Variants in MAN1C1 observed in about 807,000 individuals in gnomAD.
MAN1C1 encodes mannosidase alpha class 1C member 1, also known as mannosyl-oligosaccharide 1,2-alpha-mannosidase IC.
A neutral mutation model predicts 71.5 loss-of-function variants in MAN1C1; 49 were observed. The ratio of observed to expected loss-of-function variants is 0.69; its 90% CI spans 0.54 to 0.87. The LOEUF (loss-of-function observed/expected upper bound fraction) is 0.87, where lower values mean the gene tolerates loss of function less well. Among genes scored for constraint, MAN1C1 ranks in the 40% least tolerant of loss-of-function variants. The pLI is 0.00. For missense variants in MAN1C1, 743 were observed against 835.0 expected, an observed-to-expected ratio of 0.89 and a Z score of 1.36; for synonymous variants, 352 against 343.7, an observed-to-expected ratio of 1.02 and a Z score of -0.27.
chr1:25,690,887 A>G (rs2046299211), intron 2 of MAN1C1, among the ~76,000 whole-genome samples: 1 of 152,234 alleles, frequency 6.6e-6, no homozygotes, highest in Non-Finnish European at 1.5e-5. Context: ...AATGCATGGC[A>G]GAGTCAGGGG....
rs374595248 is a variant in MAN1C1 at position 25,749,272 on chromosome 1, G to A, written c.771G>A (p.Leu257=). The A allele has an allele frequency of 2.5e-6, 4 of 1,612,416 alleles. No homozygotes were observed. In the African/African-American group the frequency reaches 5.3e-5, roughly 22 times the overall value. Residue 257 remains leucine, a synonymous_variant, in exon 4 of 12, where the codon TTG becomes TTA. Coordinates refer to ENST00000374332, the MANE Select transcript of MAN1C1 (RefSeq NM_020379.4). The part of the protein sequence containing the change: ...FHLNVSGEAS[L]FEVNIRYIGG... ...TCCTGCAGAGCGGAGAAGCATCCTTGTTTGAGGTGAACATCCGCTACATCG... is the reference window on the plus strand; with the variant it reads ...TCCTGCAGAGCGGAGAAGCATCCTTATTTGAGGTGAACATCCGCTACATCG...
intron 8 of MAN1C1, among the ~76,000 whole-genome samples, chr1:25,777,211 G>A (rs1203962052): frequency 6.6e-6 from 1 of 152,178 alleles, no homozygotes; most frequent in Non-Finnish European, 1.5e-5. Context: ...AGAGTAGATT[G>A]GAGGGGTGAA....
intron 2 of MAN1C1, among the ~76,000 whole-genome samples, chr1:25,728,697 G>A (rs1289655115): frequency 1.3e-5 from 2 of 152,144 alleles, no homozygotes; most frequent in Non-Finnish European, 2.9e-5. Context: ...GCCTCAAAGT[G>A]GTGTATGGAG....
rs1010511729 is a variant in MAN1C1, at chr1:25,749,243, T to G, written c.754-12T>G. The G allele has an allele frequency of 3.7e-6, 6 of 1,609,050 alleles. No individual in the cohort carries two copies. The highest frequency in any genetic ancestry group is 5.1e-6 in the Non-Finnish European group (6 of 1,177,218). On this transcript the variant is annotated splice_polypyrimidine_tract_variant and intron_variant, in intron 3 of 11. Transcript: ENST00000374332. ...TGTCCCCACTGTCCCCCTCCTTCTT[T>G]CTGTCCTGCAGAGCGGAGAAGCATC...
At chr1:25,625,922 C>T (rs528186979) in intron 1 of MAN1C1, among the ~76,000 whole-genome samples, 14 of 152,308 alleles carry the variant, frequency 9.2e-5, no homozygotes, top group African/African-American at 1.9e-4. Flanking sequence ...CCATATTGTG[C>T]GTATCAGTAC....
intron 1 of MAN1C1, among the ~76,000 whole-genome samples, chr1:25,674,473 A>T (rs2046036857): frequency 6.6e-6 from 1 of 152,232 alleles, no homozygotes. Flanking sequence ...GGAAATAGAT[A>T]CTAATTAATC....
At chr1:25,690,364 C>A (rs549472011) in intron 2 of MAN1C1, among the ~76,000 whole-genome samples, 67 of 148,546 alleles carry the variant, frequency 4.5e-4, no homozygotes, top group African/African-American at 1.5e-3. Context: ...GCGATCTCAG[C>A]TCACTTCAGC....
chr1:25,772,953 A>C (rs930276060), intron 8 of MAN1C1, among the ~76,000 whole-genome samples: 7 of 151,934 alleles, frequency 4.6e-5, no homozygotes, highest in Non-Finnish European at 8.8e-5. Context: ...GGTCCCTTTC[A>C]CTAGTCAACT....
Position 25,631,760 on chromosome 1 carries a change from G to C in MAN1C1, c.540+13423G>C, listed in dbSNP as rs1313775284. On this transcript the variant is annotated intron_variant, in intron 1 of 11. Transcript: ENST00000374332. This position sits in a 1 kb window ranked among gnomAD's most constrained non-coding sequence, Gnocchi z 4.2. ...TTGTTATGAAAGTGATACTGGCTTC[G>C]TAGAATGATTTAGGGAGGATTTCCT... Among the ~76,000 whole-genome samples, 1 of 152,034 alleles carries C rather than the reference G, an allele frequency of 6.6e-6. No individual in the cohort carries two copies. Among genetic ancestry groups the C allele is most frequent in the African/African-American group, 2.4e-5 (1 of 41,392 alleles).
At chr1:25,716,497 T>C (rs2046683019) in intron 2 of MAN1C1, among the ~76,000 whole-genome samples, 3 of 152,206 alleles carry the variant, frequency 2.0e-5, no homozygotes, top group Admixed American at 2.0e-4. Context: ...CTAATTGTTT[T>C]TGTGTTTTTA....
At chr1:25,755,383 C>A (rs937287814) in intron 5 of MAN1C1, among the ~76,000 whole-genome samples, 1 of 152,176 alleles carries the variant, frequency 6.6e-6, no homozygotes, top group Non-Finnish European at 1.5e-5. Flanking sequence ...CTCCTGCCAC[C>A]CTTATAGATC....
chr1:25,732,537 G>T (rs2046922830), intron 2 of MAN1C1, among the ~76,000 whole-genome samples: 1 of 152,210 alleles, frequency 6.6e-6, no homozygotes, highest in Non-Finnish European at 1.5e-5. Flanking sequence ...CAGCAACATG[G>T]TGTCGGCCTT....
intron 1 of MAN1C1, among the ~76,000 whole-genome samples, chr1:25,685,857 AAGG>A (rs1281805881): frequency 8.5e-5 from 13 of 152,160 alleles, no homozygotes; most frequent in African/African-American, 2.7e-4. Context: ...GGGCAGGTCA[AAGG>A]AGTTCAAAGA....
intron 1 of MAN1C1, among the ~76,000 whole-genome samples, chr1:25,629,895 G>A (rs962575502): frequency 1.3e-5 from 2 of 152,068 alleles, no homozygotes; most frequent in Non-Finnish European, 2.9e-5. Context: ...AGTTTAACGA[G>A]ATCCCATTTA....
At chr1:25,652,428 C>G (rs1308665503) in intron 1 of MAN1C1, among the ~76,000 whole-genome samples, 3 of 152,360 alleles carry the variant, frequency 2.0e-5, no homozygotes, top group Admixed American at 1.3e-4. Context: ...AATGTGTTCT[C>G]AAGTTCTGTT....
At chr1:25,641,626 G>C (rs1483603012) in intron 1 of MAN1C1, among the ~76,000 whole-genome samples, 1 of 152,204 alleles carries the variant, frequency 6.6e-6, no homozygotes, top group Non-Finnish European at 1.5e-5. Flanking sequence ...AATTGGTCTT[G>C]GGTGTAGCCT....
At position 25,778,668 on chromosome 1, in the gene MAN1C1, G is replaced by A. The variant is rs562803091; in HGVS notation, c.1477+344G>A. Among the ~76,000 whole-genome samples the A allele has an allele frequency of 4.2e-4, 64 of 152,224 alleles. No homozygotes were observed. Among genetic ancestry groups the A allele is most frequent in the African/African-American group, 1.4e-3 (57 of 41,538 alleles). ...ACAGAGTAAAGGATCCTCCAGCCCC[G>A]GAGGCAGAAACGGCGGCTTCCTGAG... is the stretch of plus-strand genomic sequence containing the variant. On this transcript the variant is annotated intron_variant, in intron 9 of 11. Transcript: ENST00000374332. This position sits in a 1 kb window ranked among gnomAD's most constrained non-coding sequence, Gnocchi z 5.5.
intron 5 of MAN1C1, among the ~76,000 whole-genome samples, chr1:25,754,539 G>T (rs918715558): frequency 6.6e-6 from 1 of 152,120 alleles, no homozygotes; most frequent in African/African-American, 2.4e-5. Flanking sequence ...AGGCCAGGGA[G>T]GGGGGTGCTC....
rs796769417 is a variant in MAN1C1, at chr1:25,675,590, G to C, written c.541-10850G>C. On this transcript the variant is annotated intron_variant, in intron 1 of 11. Transcript: ENST00000374332. ...CATATAATGACTTATTTTGCGGGGG[G>C]GGGGGGAGGTGGTTACCCAGTGTGG... Among the ~76,000 whole-genome samples the C allele has an allele frequency of 1.2e-3, 157 of 132,796 alleles. 3 individuals are homozygous for C. The highest frequency in any genetic ancestry group is 4.2e-3 in the East Asian group (20 of 4,712). 87.1% of individuals were successfully genotyped at this position (132,796 alleles called of 152,430 possible). A position where few individuals can be genotyped will look rare whatever the true frequency, so the allele number is the denominator to read the frequency against.
Sources: allele counts gnomAD v4.1 joint callset (sites outside exome capture counted in the v4.1 genomes callset), GRCh38; gene constraint gnomAD v4.1.1; non-coding constraint Gnocchi (gnomAD v3.1); transcripts MANE v1.5; gene names NCBI Gene and HGNC (gene_info 2026-07-23, HGNC 2026-07-21).